The following DOP1B variants were observed in gnomAD, a reference collection of about 807,000 sequenced individuals.
The protein encoded by DOP1B is DOP1 leucine zipper like protein B, also known as protein DOP1B.
Under a neutral mutation model 233.5 loss-of-function variants are expected in DOP1B, and 174 were observed. The ratio of observed to expected loss-of-function variants is 0.75; its 90% confidence interval spans 0.66 to 0.85. DOP1B has a LOEUF of 0.85. DOP1B is among the 40% of genes least tolerant of loss of function. The probability of loss-of-function intolerance (pLI) is 0.00; values close to 1 mark genes in which losing one functional copy is unlikely to be tolerated. For synonymous variants in DOP1B, 1,190 were observed against 1,185.6 expected, an observed-to-expected ratio of 1.00 and a Z score of -0.08; for missense variants, 2,652 against 2,846.6, an observed-to-expected ratio of 0.93 and a Z score of 1.56.
At chr21:36,201,265 T>G (rs2066361940) in intron 4 of DOP1B, among the ~76,000 whole-genome samples, 1 of 151,474 alleles carries the variant, frequency 6.6e-6, no homozygotes, top group African/African-American at 2.4e-5. Flanking sequence ...CAGGTGAGGG[T>G]CAGAGGGTAA....
chr21:36,292,768 C>A (rs1278592548), intron 36 of DOP1B, among the ~76,000 whole-genome samples: 1 of 152,050 alleles, frequency 6.6e-6, no homozygotes, highest in Non-Finnish European at 1.5e-5. Context: ...CATGCCACCA[C>A]TCTTGGGGCT....
chr21:36,209,585 GA>G (rs1288577112), intron 5 of DOP1B, among the ~76,000 whole-genome samples: 4 of 152,090 alleles, frequency 2.6e-5, no homozygotes, highest in African/African-American at 9.7e-5. Context: ...CTCACACATG[GA>G]AACCCCCTCC....
chr21:36,278,488 A>C, intron 30 of DOP1B, 133 bp downstream of exon 30: 1 of 870,510 alleles, frequency 1.1e-6, no homozygotes, highest in Non-Finnish European at 1.7e-6. Context: ...CGTCCCTGTC[A>C]CAGGCTCGCA....
At chr21:36,283,023 GTT>G (rs760141990) in intron 32 of DOP1B, among the ~76,000 whole-genome samples, 1 of 138,272 alleles carries the variant, frequency 7.2e-6, no homozygotes. Flanking sequence ...GATTGTCAGG[GTT>G]TTTTTTTTTT....
chr21:36,215,838 C>T lies in DOP1B; in HGVS notation c.1129+1282C>T, dbSNP rs535389206. 1.8e-4 allele frequency among the ~76,000 whole-genome samples: 23 copies of T among 130,338 alleles called. 1 individual carries two copies. In the South Asian group the frequency reaches 2.9e-3, roughly 16 times the overall value. 85.5% of individuals were successfully genotyped at this position (130,338 alleles called of 152,430 possible). A position where few individuals can be genotyped will look rare whatever the true frequency, so the allele number is the denominator to read the frequency against. The stretch of plus-strand genomic sequence containing the variant: ...GACCAGCCTGGCCAAGATGGTGAAA[C>T]CCCATCTCTACTAAAAATACAAAAA... On this transcript the variant is annotated intron_variant, in intron 9 of 36. Transcript: ENST00000691173.
At chr21:36,271,492 A>G (rs1601469485) in intron 27 of DOP1B, among the ~76,000 whole-genome samples, 1 of 151,966 alleles carries the variant, frequency 6.6e-6, no homozygotes, top group African/African-American at 2.4e-5. Flanking sequence ...GGCTGGTCTC[A>G]AACTCTTGAC....
chr21:36,227,324 G>C (rs2066700206), intron 12 of DOP1B, among the ~76,000 whole-genome samples: 1 of 151,962 alleles, frequency 6.6e-6, no homozygotes, highest in Non-Finnish European at 1.5e-5. Context: ...AAGGTGGATG[G>C]ATCACAAAGT....
At chr21:36,176,479 A>G (rs2066032797) in intron 2 of DOP1B, among the ~76,000 whole-genome samples, 1 of 151,974 alleles carries the variant, frequency 6.6e-6, no homozygotes, top group Non-Finnish European at 1.5e-5. Flanking sequence ...CCTCTGTTAG[A>G]GCGTGACACC....
In DOP1B at chr21:36,199,209, T is replaced by G. The variant is rs781601044; in HGVS notation, c.278T>G (p.Ile93Ser). ...ALETYEIIFK[I>S]VGTKWLAKDL... ...GAAACCTACGAGATTATCTTTAAAATCGTGGGGACCAAATGGCTGGCCAAG... is the reference window on the plus strand; with the variant it reads ...GAAACCTACGAGATTATCTTTAAAAGCGTGGGGACCAAATGGCTGGCCAAG... Residue 93 changes from isoleucine to serine, a missense_variant, in exon 3 of 37, where the codon ATC (isoleucine) becomes AGC (serine). Coordinates refer to ENST00000691173, the MANE Select transcript of DOP1B (RefSeq NM_001320714.2). 1 of 1,614,176 alleles carries G rather than the reference T, an allele frequency of 6.2e-7. No homozygotes were observed. Among genetic ancestry groups the G allele is most frequent in the Non-Finnish European group, 8.5e-7 (1 of 1,180,030 alleles).
At chr21:36,167,531 TTTC>T (rs774309632) in intron 2 of DOP1B, among the ~76,000 whole-genome samples, 23 of 152,334 alleles carry the variant, frequency 1.5e-4, no homozygotes, top group Admixed American at 2.6e-4. Flanking sequence ...GTTTTTTCTT[TTTC>T]TTTATTGAGA....
chr21:36,287,930 C>A, intron 32 of DOP1B, 84 bp from the exon 33 acceptor site: 5 of 1,495,822 alleles, frequency 3.3e-6, no homozygotes, highest in Non-Finnish European at 4.5e-6. Flanking sequence ...AATGTCAGAA[C>A]AGTCACAGTT....
chr21:36,201,345 C>CTTTTTGTTTTTTTTTTTTTTTTTTTTTT (rs2066363772), intron 4 of DOP1B, among the ~76,000 whole-genome samples: 2 of 83,262 alleles, frequency 2.4e-5, no homozygotes, highest in Non-Finnish European at 4.4e-5. Flanking sequence ...CTATTGGATT[C>CTTTTTGTTTTTTTTTTTTTTTTTTTTTT]TTTTTTTTTT....
chr21:36,280,316 C>T lies in DOP1B; in HGVS notation c.6001C>T (p.His2001Tyr), dbSNP rs763558472. 6.2e-7 allele frequency: 1 copy of T among 1,609,878 alleles called. No homozygotes were observed. The highest frequency in any genetic ancestry group is 8.5e-7 in the Non-Finnish European group (1 of 1,177,634). The stretch of plus-strand genomic sequence containing the variant: ...GTCCATTATTGACCATCTTTTGACT[C>T]ATGAGAAAACAATGTTTAAGGATTT... ...WKSIIDHLLT[H>Y]EKTMFKDLMN... is the part of the protein sequence containing the mutation. The change falls in exon 31 of 37, where the codon CAT becomes TAT. Residue 2001 changes from histidine to tyrosine, a missense_variant. Transcript: ENST00000691173.
chr21:36,250,903 C>T (rs1206673921), intron 21 of DOP1B, among the ~76,000 whole-genome samples: 5 of 152,164 alleles, frequency 3.3e-5, no homozygotes, highest in Admixed American at 6.6e-5. Context: ...GCTGGCCATC[C>T]GTCTCTCCAC....
chr21:36,262,406 G>A (rs2067181080), intron 24 of DOP1B, among the ~76,000 whole-genome samples: 3 of 152,214 alleles, frequency 2.0e-5, no homozygotes, highest in Admixed American at 2.0e-4. Flanking sequence ...TGTAGTCTGA[G>A]CTTTCACTGC....
At chr21:36,200,941 T>C in intron 4 of DOP1B, among the ~76,000 whole-genome samples, 1 of 152,114 alleles carries the variant, frequency 6.6e-6, no homozygotes, top group Non-Finnish European at 1.5e-5. Context: ...GTGGTTGTGA[T>C]TTCAAATTCC....
intron 9 of DOP1B, among the ~76,000 whole-genome samples, chr21:36,217,289 A>G (rs1017315976): frequency 1.3e-5 from 2 of 152,202 alleles, no homozygotes; most frequent in East Asian, 1.9e-4. Flanking sequence ...TTTACTGTTC[A>G]TTAATAATAA....
At chr21:36,238,930 C>G (rs930249266) in intron 17 of DOP1B, among the ~76,000 whole-genome samples, 2 of 152,126 alleles carry the variant, frequency 1.3e-5, no homozygotes, top group African/African-American at 4.8e-5. Flanking sequence ...TGGTGAAACC[C>G]CATCTCTACC....
At position 36,194,217 on chromosome 21, in the gene DOP1B, G is replaced by A. The variant is rs116052325; in HGVS notation, c.139-4853G>A. ...GTGTATAAACACTCAATCTCTGTGTGACGACAGCTCCAAGGAGCAGTCCAG... is the reference window on the plus strand; with the variant it reads ...GTGTATAAACACTCAATCTCTGTGTAACGACAGCTCCAAGGAGCAGTCCAG... On this transcript the variant is annotated intron_variant, in intron 2 of 36. Transcript: ENST00000691173. Among the ~76,000 whole-genome samples, 108 of 152,248 alleles carry A rather than the reference G, an allele frequency of 7.1e-4. 1 individual carries two copies. Among genetic ancestry groups the A allele is most frequent in the African/African-American group, 2.4e-3 (100 of 41,546 alleles).
Sources: gnomAD v4.1 joint callset for allele counts (sites outside exome capture counted in the v4.1 genomes callset) on GRCh38, gnomAD v4.1.1 for gene constraint, MANE v1.5 for transcripts, NCBI Gene and HGNC (gene_info 2026-07-23, HGNC 2026-07-21) for gene names.